The following COL24A1 variants were observed in gnomAD, a reference collection of about 807,000 sequenced individuals.
COL24A1 encodes the protein collagen type XXIV alpha 1 chain.
Under a neutral mutation model 253.9 loss-of-function variants are expected in COL24A1, and 224 were observed. The observed-to-expected ratio is 0.88, with a 90% CI of 0.79 to 0.99. The LOEUF is 0.99. Ranked by LOEUF, COL24A1 falls within the 50% of genes least tolerant of loss-of-function variation. COL24A1 has a pLI of 0.00. For missense variants in COL24A1, 2,131 were observed against 2,068.5 expected, an observed-to-expected ratio of 1.03 and a Z score of -0.59; for synonymous variants, 685 against 673.7, an observed-to-expected ratio of 1.02 and a Z score of -0.26.
At position 86,156,496 on chromosome 1, in the gene COL24A1, A is replaced by C. The variant is rs576933985; in HGVS notation, c.-100T>G. ...ACTGTCCATGAAAAAGGGAAAAAAC[A>C]ATCACATGAAAACCATGCTTCAAAC... On this transcript the variant is annotated 5_prime_UTR_variant, in exon 1 of 60. The change creates a new upstream start codon in the 5' untranslated region. Transcript: ENST00000370571. 42 of 1,095,872 alleles carry C rather than the reference A, an allele frequency of 3.8e-5. No homozygotes were observed. The highest frequency in any genetic ancestry group is 5.1e-5 in the Non-Finnish European group (40 of 782,532). 67.9% of individuals were successfully genotyped at this position (1,095,872 alleles called of 1,614,324 possible).
Position 85,895,714 on chromosome 1 carries a change from C to T in COL24A1, c.2922+144G>A, listed in dbSNP as rs924608967. On this transcript the variant is annotated intron_variant, in intron 31 of 59. Transcript: ENST00000370571. ...AAAGGTAATCAGCTCATAATTTATA[C>T]ATATATCAAAATATCACATTGTATA... The T allele has an allele frequency of 1.8e-5, 12 of 681,600 alleles. No homozygotes were observed. The African/African-American group carries it at 2.2e-4, about 13-fold the overall frequency. 42.2% of individuals were successfully genotyped at this position (681,600 alleles called of 1,614,324 possible). A position where few individuals can be genotyped will look rare whatever the true frequency, so the allele number is the denominator to read the frequency against.
intron 4 of COL24A1, among the ~76,000 whole-genome samples, chr1:86,112,953 T>C (rs1470608834): frequency 6.6e-6 from 1 of 152,210 alleles, no homozygotes; most frequent in African/African-American, 2.4e-5. Flanking sequence ...TTCTAATCTG[T>C]TACTTAAATA....
intron 20 of COL24A1, among the ~76,000 whole-genome samples, chr1:85,979,915 A>C (rs1693077778): frequency 6.6e-6 from 1 of 152,204 alleles, no homozygotes; most frequent in Non-Finnish European, 1.5e-5. Flanking sequence ...ATCCCTGATG[A>C]ATATAGATGC....
intron 32 of COL24A1, among the ~76,000 whole-genome samples, chr1:85,879,246 GGTGTGTGTGTGTGT>G (rs5775875): frequency 6.8e-6 from 1 of 147,114 alleles, no homozygotes; most frequent in Non-Finnish European, 1.5e-5. Flanking sequence ...TCATTTTGAG[GGTGTGTGTGTGTGT>G]GTGTGTGTGT....
rs116593566 is a variant in COL24A1 at position 86,064,947 on chromosome 1, T to C, written c.1708-1188A>G. Among the ~76,000 whole-genome samples, 500 of 152,344 alleles carry C rather than the reference T, an allele frequency of 3.3e-3. 2 individuals carry two copies. The highest frequency in any genetic ancestry group is 0.012 in the African/African-American group (485 of 41,584). On this transcript the variant is annotated intron_variant, in intron 7 of 59. Transcript: ENST00000370571. ...GCCTAATTACATAACATATTACATA[T>C]TGTGCTCAGTTGCCCAAATGTTTAC...
chr1:86,124,724 C>T, intron 3 of COL24A1, 121 bp downstream of exon 3: 1 of 680,208 alleles, frequency 1.5e-6, no homozygotes, highest in Non-Finnish European at 2.2e-6. Flanking sequence ...AATGCATTTC[C>T]ATGACAGACT....
At chr1:85,984,355 C>A (rs1472979904) in intron 20 of COL24A1, among the ~76,000 whole-genome samples, 1 of 151,842 alleles carries the variant, frequency 6.6e-6, no homozygotes, top group Non-Finnish European at 1.5e-5. Context: ...TCTAGGCTCT[C>A]AGAGCACTTC....
At chr1:85,766,361 T>A (rs1254199085) in intron 53 of COL24A1, among the ~76,000 whole-genome samples, 1 of 60,358 alleles carries the variant, frequency 1.7e-5, no homozygotes, top group South Asian at 6.6e-4. Flanking sequence ...AGAACAAGAC[T>A]CTGTCTCAAA....
chr1:86,026,011 G>A (rs17414519), intron 14 of COL24A1, among the ~76,000 whole-genome samples: 13,212 of 152,218 alleles, frequency 0.087, 705 homozygotes, highest in Middle Eastern at 0.19. Context: ...AGTAATCACA[G>A]TATATGACAC....
chr1:86,131,963 T>C (rs1043713559), intron 2 of COL24A1, among the ~76,000 whole-genome samples: 1 of 152,166 alleles, frequency 6.6e-6, no homozygotes, highest in Non-Finnish European at 1.5e-5. Flanking sequence ...GTTGAACTAG[T>C]TTACAGTCCC....
At chr1:85,779,737 T>C (rs929293302) in intron 52 of COL24A1, among the ~76,000 whole-genome samples, 4 of 152,210 alleles carry the variant, frequency 2.6e-5, no homozygotes, top group African/African-American at 9.6e-5. Flanking sequence ...TACACCGATC[T>C]GTTTATTTCT....
intron 7 of COL24A1, among the ~76,000 whole-genome samples, chr1:86,078,871 C>T (rs1325645733): frequency 2.6e-5 from 4 of 152,014 alleles, no homozygotes; most frequent in Admixed American, 6.6e-5. Flanking sequence ...TTAAGATGTC[C>T]GTACTGCCCA....
At chr1:85,983,691 T>C (rs1693455611) in intron 20 of COL24A1, among the ~76,000 whole-genome samples, 1 of 151,842 alleles carries the variant, frequency 6.6e-6, no homozygotes, top group African/African-American at 2.4e-5. Flanking sequence ...GATGCTTGCT[T>C]CTATGATACA....
At chr1:86,113,810 T>TGGGTGACA (rs1705844162) in intron 4 of COL24A1, among the ~76,000 whole-genome samples, 1 of 111,948 alleles carries the variant, frequency 8.9e-6, no homozygotes, top group Non-Finnish European at 1.6e-5. Context: ...CACTCCAGCC[T>TGGGTGACA]GGGTGACAGA....
chr1:86,095,345 T>C (rs1376825459), intron 5 of COL24A1, among the ~76,000 whole-genome samples: 1 of 152,094 alleles, frequency 6.6e-6, no homozygotes, highest in African/African-American at 2.4e-5. Flanking sequence ...TTGACACATA[T>C]ATGTCAAATT....
At chr1:86,027,900 CCCAAG>C (rs1192357050) in intron 14 of COL24A1, among the ~76,000 whole-genome samples, 1 of 152,148 alleles carries the variant, frequency 6.6e-6, no homozygotes, top group Admixed American at 6.6e-5. Flanking sequence ...GGTGGTGCTG[CCCAAG>C]GCTGTGGGAA....
chr1:86,127,845 T>C (rs1648555635), intron 2 of COL24A1, among the ~76,000 whole-genome samples: 1 of 152,070 alleles, frequency 6.6e-6, no homozygotes, highest in Non-Finnish European at 1.5e-5. Flanking sequence ...AATGAAATAA[T>C]TACTGAATGC....
At chr1:85,924,964 T>A (rs180870367) in intron 24 of COL24A1, among the ~76,000 whole-genome samples, 1 of 152,338 alleles carries the variant, frequency 6.6e-6, no homozygotes, top group African/African-American at 2.4e-5. Context: ...GATAAGCAAC[T>A]TCAGCAAAGT....
chr1:85,856,153 T>C (rs554791303), intron 37 of COL24A1, among the ~76,000 whole-genome samples: 3 of 152,208 alleles, frequency 2.0e-5, no homozygotes, highest in Non-Finnish European at 2.9e-5. Context: ...AATGAAGTTT[T>C]GGTTTTGTTG....
Sources: gnomAD v4.1 joint callset for allele counts (sites outside exome capture counted in the v4.1 genomes callset) on GRCh38, gnomAD v4.1.1 for gene constraint, MANE v1.5 for transcripts, NCBI Gene and HGNC (gene_info 2026-07-23, HGNC 2026-07-21) for gene names.